AFAP1L1: variants seen among roughly 807,000 people sequenced by gnomAD.
AFAP1L1 encodes the protein actin filament-associated protein 1-like 1.
A neutral mutation model predicts 99.8 loss-of-function variants in AFAP1L1; 77 were observed. The observed-to-expected ratio is 0.77, with a 90% CI of 0.64 to 0.93. The LOEUF (loss-of-function observed/expected upper bound fraction) is 0.93, where lower values mean the gene tolerates loss of function less well. Ranked by LOEUF, AFAP1L1 falls within the 40% of genes least tolerant of loss-of-function variation. The probability of loss-of-function intolerance (pLI) is 0.00; values close to 1 mark genes in which losing one functional copy is unlikely to be tolerated. For synonymous variants in AFAP1L1, 373 were observed against 395.3 expected (o/e 0.94, Z 0.67); for missense variants, 893 against 996.8 (o/e 0.90, Z 1.40).
At position 149,299,399 on chromosome 5, in the gene AFAP1L1, A is replaced by G. The variant is rs1756114674; in HGVS notation, c.17-110A>G. 3 of 1,453,684 alleles carry G rather than the reference A, an allele frequency of 2.1e-6. No homozygotes were observed. The Admixed American group carries it at 6.4e-5, about 31-fold the overall frequency. 90.0% of individuals were successfully genotyped at this position (1,453,684 alleles called of 1,614,324 possible). On this transcript the variant is annotated intron_variant, in intron 1 of 18. Coordinates refer to ENST00000296721, the MANE Select transcript of AFAP1L1 (RefSeq NM_152406.4). ...CCCCCAGGTCCGCTTGCACACCCGG[A>G]CCTGCCCTCTGACCCCTTCCGCCCA... is the stretch of plus-strand genomic sequence containing the variant.
At chr5:149,331,695 A>T (rs1028696347) in intron 16 of AFAP1L1, among the ~76,000 whole-genome samples, 2 of 152,168 alleles carry the variant, frequency 1.3e-5, no homozygotes, top group African/African-American at 4.8e-5. Flanking sequence ...CTGCTATGAC[A>T]CTTGTTTACA....
chr5:149,328,136 G>A (rs749189136), intron 15 of AFAP1L1, among the ~76,000 whole-genome samples: 2 of 152,186 alleles, frequency 1.3e-5, no homozygotes, highest in Admixed American at 1.3e-4. Context: ...GGCCCTCCAT[G>A]CTGTATTTAT....
At chr5:149,295,458 A>G (rs188425188) in intron 1 of AFAP1L1, among the ~76,000 whole-genome samples, 2 of 152,318 alleles carry the variant, frequency 1.3e-5, no homozygotes, top group African/African-American at 4.8e-5. Context: ...AGAAGCCAGA[A>G]AGCTGCCACC....
At chr5:149,307,293 G>A (rs1756447270) in intron 6 of AFAP1L1, 109 bp from the exon 7 acceptor site, 1 of 1,156,976 alleles carries the variant, frequency 8.6e-7, no homozygotes, top group Non-Finnish European at 1.3e-6. Flanking sequence ...CATGCCTAAT[G>A]CCCATGCCTT....
chr5:149,296,590 T>G (rs571686370), intron 1 of AFAP1L1, among the ~76,000 whole-genome samples: 1 of 152,206 alleles, frequency 6.6e-6, no homozygotes, highest in South Asian at 2.1e-4. Context: ...TTTGTGTGTA[T>G]GAGACAGAGA....
intron 11 of AFAP1L1, among the ~76,000 whole-genome samples, chr5:149,316,620 G>T (rs771925694): frequency 3.9e-5 from 6 of 152,108 alleles, no homozygotes; most frequent in Non-Finnish European, 8.8e-5. Flanking sequence ...CAAGACAGGG[G>T]TATCTTATTT....
At chr5:149,318,228 T>C (rs1259111732) in intron 12 of AFAP1L1, among the ~76,000 whole-genome samples, 3 of 152,268 alleles carry the variant, frequency 2.0e-5, no homozygotes, top group Non-Finnish European at 4.4e-5. Context: ...ATATTATTCA[T>C]TGTTCATCTG....
intron 9 of AFAP1L1, among the ~76,000 whole-genome samples, chr5:149,314,640 C>A (rs1756743832): frequency 6.6e-6 from 1 of 152,204 alleles, no homozygotes. Context: ...AGAGGTGATT[C>A]TTTATTCTTG....
rs541176570 is a variant in AFAP1L1, at chr5:149,317,635, G to A, written c.1268-94G>A. 1.9e-5 allele frequency: 25 copies of A among 1,335,070 alleles called. No homozygotes were observed. In the East Asian group the frequency reaches 2.0e-4, roughly 11 times the overall value. 82.7% of individuals were successfully genotyped at this position (1,335,070 alleles called of 1,614,324 possible). A position where few individuals can be genotyped will look rare whatever the true frequency, so the allele number is the denominator to read the frequency against. ...GGGAAAGAGAGCTGACCAGGACCCC[G>A]AGGCCTTCTTTCCAGCAGACACATG... On this transcript the variant is annotated intron_variant, in intron 11 of 18. Transcript: ENST00000296721.
intron 1 of AFAP1L1, 86 bp from the exon 2 acceptor site, chr5:149,299,423 C>G: frequency 6.4e-7 from 1 of 1,557,548 alleles, no homozygotes. Flanking sequence ...CCCTTCCGCC[C>G]AACTCTAGGT....
rs779978586 is a variant in AFAP1L1 at position 149,316,225 on chromosome 5, A to G, written c.1189A>G (p.Ile397Val). 6.2e-7 allele frequency: 1 copy of G among 1,614,100 alleles called. No homozygotes were observed. The highest frequency in any genetic ancestry group is 1.7e-5 in the Admixed American group (1 of 60,020). The change falls in exon 11 of 19, where the codon ATC becomes GTC. Residue 397 changes from isoleucine to valine, a missense_variant. Ile to Val is a conservative substitution (Grantham distance 29). Coordinates refer to ENST00000296721, the MANE Select transcript of AFAP1L1 (RefSeq NM_152406.4). ...GGCTGCGGGCCGCAAGATCACCCGT[A>G]TCATTGGCTTCTCCAAGAAGAAGAC... is the stretch of plus-strand genomic sequence containing the variant. The part of the protein sequence containing the change: ...SRAAGRKITR[I>V]IGFSKKKTLA...
chr5:149,284,991 T>G (rs79617252), intron 1 of AFAP1L1, among the ~76,000 whole-genome samples: 7,469 of 152,304 alleles, frequency 0.049, 210 homozygotes, highest in Middle Eastern at 0.082. Flanking sequence ...AGCAGAGAGA[T>G]ATTTGGGGCA....
chr5:149,308,177 C>A (rs982000391), intron 7 of AFAP1L1, among the ~76,000 whole-genome samples: 2 of 152,162 alleles, frequency 1.3e-5, no homozygotes, highest in African/African-American at 4.8e-5. Flanking sequence ...CTGATACAGG[C>A]TTTACCATGT....
At chr5:149,334,043 A>AG (rs1757336021) in intron 17 of AFAP1L1, among the ~76,000 whole-genome samples, 1 of 152,240 alleles carries the variant, frequency 6.6e-6, no homozygotes, top group South Asian at 2.1e-4. Context: ...GAAAAATAGT[A>AG]GGAGTATAAG....
At chr5:149,339,414 G>A (rs1265801008) in intron 18 of AFAP1L1, among the ~76,000 whole-genome samples, 1 of 151,938 alleles carries the variant, frequency 6.6e-6, no homozygotes, top group Non-Finnish European at 1.5e-5. Flanking sequence ...GGTTGGTCTC[G>A]AACTCCTGAC....
intron 1 of AFAP1L1, among the ~76,000 whole-genome samples, chr5:149,285,334 C>T (rs919807974): frequency 6.6e-6 from 1 of 152,102 alleles, no homozygotes; most frequent in African/African-American, 2.4e-5. Flanking sequence ...ACCGCAGCAA[C>T]ATTAGTAATC....
intron 1 of AFAP1L1, among the ~76,000 whole-genome samples, chr5:149,279,925 C>A (rs1422951332): frequency 6.6e-6 from 1 of 152,212 alleles, no homozygotes; most frequent in East Asian, 1.9e-4. Context: ...ACTTCTCAAT[C>A]ACAGTTCACT....
chr5:149,299,158 G>A (rs959517516), intron 1 of AFAP1L1, among the ~76,000 whole-genome samples: 1 of 152,196 alleles, frequency 6.6e-6, no homozygotes, highest in African/African-American at 2.4e-5. Context: ...AAGGACCCTG[G>A]TCAAGCAAAG....
intron 1 of AFAP1L1, among the ~76,000 whole-genome samples, chr5:149,292,005 G>T (rs1269044098): frequency 6.6e-6 from 1 of 152,202 alleles, no homozygotes; most frequent in Non-Finnish European, 1.5e-5. Flanking sequence ...AAAGAGGCTG[G>T]TCAAATAGTG....
Sources: gnomAD v4.1 joint callset for allele counts (sites outside exome capture counted in the v4.1 genomes callset) on GRCh38, gnomAD v4.1.1 for gene constraint, MANE v1.5 for transcripts, NCBI Gene and HGNC (gene_info 2026-07-23, HGNC 2026-07-21) for gene names.